Variants in ZNF276 observed in about 807,000 individuals in gnomAD.
ZNF276 encodes the protein zinc finger protein 276.
ZNF276 carries 59 observed loss-of-function variants against 63.9 expected under a neutral mutation model. The ratio of observed to expected loss-of-function variants is 0.92; its 90% CI spans 0.75 to 1.15. The LOEUF (loss-of-function observed/expected upper bound fraction) is 1.15, where lower values mean the gene tolerates loss of function less well. Ranked by LOEUF, ZNF276 falls within the 50% of genes most tolerant of loss-of-function variation. The probability of loss-of-function intolerance (pLI) is 0.00; values close to 1 mark genes in which losing one functional copy is unlikely to be tolerated. For missense variants in ZNF276, 1,084 were observed against 843.8 expected (o/e 1.28, Z -3.53); for synonymous variants, 496 against 348.4 (o/e 1.42, Z -4.72).
At chr16:89,723,010 G>A (rs2061350434) in intron 2 of ZNF276, 127 bp from the exon 3 acceptor site, 4 of 1,594,000 alleles carry the variant, frequency 2.5e-6, no homozygotes, top group East Asian at 2.3e-5. Flanking sequence ...GGGAGGAGCT[G>A]GGGTGAGGGA....
Position 89,723,127 on chromosome 16 carries a change from T to C in ZNF276, c.510-10T>C. ...CTTGTCCTGCTCATGGCCACACTGATCCTTTGCAGGGTCGGTGCCCAGCCC... is the reference window on the plus strand; with the variant it reads ...CTTGTCCTGCTCATGGCCACACTGACCCTTTGCAGGGTCGGTGCCCAGCCC... On this transcript the variant is annotated splice_polypyrimidine_tract_variant and intron_variant, in intron 2 of 10. Transcript: ENST00000443381. The C allele has an allele frequency of 6.2e-7, 1 of 1,613,168 alleles. No individual in the cohort carries two copies. Among genetic ancestry groups the C allele is most frequent in the Non-Finnish European group, 8.5e-7 (1 of 1,180,014 alleles).
chr16:89,729,355 T>A, intron 6 of ZNF276, 37 bp downstream of exon 6: 1 of 1,591,724 alleles, frequency 6.3e-7, no homozygotes, highest in Non-Finnish European at 8.6e-7. Context: ...GAGGCATCCG[T>A]TGGGCGACCT....
intron 9 of ZNF276, among the ~76,000 whole-genome samples, chr16:89,735,223 C>T (rs2061816760): frequency 6.6e-6 from 1 of 150,774 alleles, no homozygotes; most frequent in Non-Finnish European, 1.5e-5. Context: ...TTCCTAAGTG[C>T]AGGTTCTGTA....
chr16:89,734,499 T>C (rs2061783322), intron 9 of ZNF276, among the ~76,000 whole-genome samples: 1 of 152,110 alleles, frequency 6.6e-6, no homozygotes. Context: ...CTAATTTTTG[T>C]AATTTTTGGT....
At chr16:89,727,439 T>A in intron 5 of ZNF276, 82 bp downstream of exon 5, 2 of 1,510,662 alleles carry the variant, frequency 1.3e-6, no homozygotes, top group East Asian at 4.5e-5. Context: ...GAGAGAAGAG[T>A]GGGTTTAAAC....
chr16:89,728,795 C>T (rs184040074), intron 5 of ZNF276, among the ~76,000 whole-genome samples: 336 of 152,298 alleles, frequency 2.2e-3, no homozygotes, highest in Non-Finnish European at 3.8e-3. Context: ...CGTCACCCTC[C>T]CAAAGTGCTG....
At position 89,740,721 on chromosome 16, in the gene ZNF276, C is replaced by T. The variant is rs2062111305; in HGVS notation, c.*2475C>T. 2 of 1,177,012 alleles carry T rather than the reference C, an allele frequency of 1.7e-6. No homozygotes were observed. Among genetic ancestry groups the T allele is most frequent in the Non-Finnish European group, 1.3e-6 (1 of 793,588 alleles). 72.9% of individuals were successfully genotyped at this position (1,177,012 alleles called of 1,614,324 possible). A position where few individuals can be genotyped will look rare whatever the true frequency, so the allele number is the denominator to read the frequency against. On this transcript the variant is annotated 3_prime_UTR_variant, in exon 11 of 11. Coordinates refer to ENST00000443381, the MANE Select transcript of ZNF276 (RefSeq NM_001113525.2). ...AGGAGCTCCTGAGCTAGTCTGGAAA[C>T]CCTGACTTGGAAGCTGGCTGCCTGG...
chr16:89,737,725 G>C (rs1028227841), intron 9 of ZNF276, 81 bp from the exon 10 acceptor site: 108 of 1,601,264 alleles, frequency 6.7e-5, no homozygotes, highest in Middle Eastern at 1.7e-4. Context: ...TCCCAGCTGT[G>C]ATGGTTTCAC....
At chr16:89,734,754 A>C (rs752980962) in intron 9 of ZNF276, among the ~76,000 whole-genome samples, 1 of 151,828 alleles carries the variant, frequency 6.6e-6, no homozygotes, top group Non-Finnish European at 1.5e-5. Flanking sequence ...TTAAGACCGG[A>C]GGCGGATGGG....
At chr16:89,734,966 C>G (rs2061804306) in intron 9 of ZNF276, among the ~76,000 whole-genome samples, 1 of 152,134 alleles carries the variant, frequency 6.6e-6, no homozygotes, top group Admixed American at 6.6e-5. Context: ...CAAGACCAGC[C>G]TGGCCAACAT....
upstream of ZNF276, chr16:89,720,582 G>A (rs942931707): frequency 1.6e-5 from 20 of 1,219,098 alleles, no homozygotes; most frequent in Non-Finnish European, 2.0e-5. Flanking sequence ...AGCTGTCCAA[G>A]GTCACTGCAC....
rs943739160 is a variant in ZNF276, at chr16:89,740,684, TC to T, written c.*2440del. On this transcript the variant is annotated 3_prime_UTR_variant, in exon 11 of 11. Transcript: ENST00000443381. ...CGGCCTGGGAGTTCTCACTCACACT[TC>T]CGCAAACACAAGGAGCTCCTGAGCT... 347 of 775,706 alleles carry T rather than the reference TC, an allele frequency of 4.5e-4. No homozygotes were observed. The highest frequency in any genetic ancestry group is 6.7e-4 in the Non-Finnish European group (304 of 452,744). 48.1% of individuals were successfully genotyped at this position (775,706 alleles called of 1,614,324 possible). A position where few individuals can be genotyped will look rare whatever the true frequency, so the allele number is the denominator to read the frequency against.
chr16:89,725,619 A>G (rs970365464), intron 4 of ZNF276, among the ~76,000 whole-genome samples: 58 of 152,058 alleles, frequency 3.8e-4, no homozygotes, highest in Non-Finnish European at 1.2e-4. Flanking sequence ...GTGAAACCCC[A>G]TCTCTACTAA....
intron 9 of ZNF276, among the ~76,000 whole-genome samples, chr16:89,734,891 G>A (rs2061801074): frequency 6.6e-6 from 1 of 152,186 alleles, no homozygotes; most frequent in African/African-American, 2.4e-5. Context: ...GGGCGTGGTG[G>A]CTCACACCTG....
At position 89,738,634 on chromosome 16, in the gene ZNF276, G is replaced by A. The variant is rs374830555; in HGVS notation, c.*388G>A. ...GATGAGGCTCCTGGGACAGGTCAGC[G>A]TCAGGGGCAGCCTGCTGTCTGCTCT... On this transcript the variant is annotated 3_prime_UTR_variant, in exon 11 of 11. Coordinates refer to ENST00000443381, the MANE Select transcript of ZNF276 (RefSeq NM_001113525.2). The A allele has an allele frequency of 4.6e-5, 75 of 1,613,668 alleles. No individual in the cohort carries two copies. The highest frequency in any genetic ancestry group is 1.7e-4 in the Middle Eastern group (1 of 5,854).
chr16:89,738,530 A>G lies in ZNF276; in HGVS notation c.*284A>G. On this transcript the variant is annotated 3_prime_UTR_variant, in exon 11 of 11. Transcript: ENST00000443381. ...TTTGTAATCCACTTTTTAGTGCAACAAGAGCTCCATGTTATGCTTGTAATA... is the reference window on the plus strand; with the variant it reads ...TTTGTAATCCACTTTTTAGTGCAACGAGAGCTCCATGTTATGCTTGTAATA... 1 of 1,605,348 alleles carries G rather than the reference A, an allele frequency of 6.2e-7. No homozygotes were observed. Among genetic ancestry groups the G allele is most frequent in the Middle Eastern group, 2.2e-4 (1 of 4,572 alleles).
At chr16:89,737,930 C>A (rs751741235) in intron 10 of ZNF276, 25 bp downstream of exon 10, 3 of 1,610,402 alleles carry the variant, frequency 1.9e-6, no homozygotes, top group African/African-American at 2.7e-5. Context: ...GGACCCCCTC[C>A]CAGGGCTGTG....
At chr16:89,728,330 T>C (rs1241742245) in intron 5 of ZNF276, among the ~76,000 whole-genome samples, 1 of 151,956 alleles carries the variant, frequency 6.6e-6, no homozygotes, top group Non-Finnish European at 1.5e-5. Context: ...GTTCAAGTGA[T>C]TCTCCCGCCT....
chr16:89,738,541 G>A lies in ZNF276; in HGVS notation c.*295G>A, dbSNP rs1598048095. ...CTTTTTAGTGCAACAAGAGCTCCAT[G>A]TTATGCTTGTAATAAATTATTTACA... On this transcript the variant is annotated 3_prime_UTR_variant, in exon 11 of 11. Coordinates refer to ENST00000443381, the MANE Select transcript of ZNF276 (RefSeq NM_001113525.2). The A allele has an allele frequency of 4.3e-6, 7 of 1,609,688 alleles. No homozygotes were observed. Among genetic ancestry groups the A allele is most frequent in the South Asian group, 2.2e-5 (2 of 90,964 alleles).
Sources: allele counts gnomAD v4.1 joint callset (sites outside exome capture counted in the v4.1 genomes callset), GRCh38; gene constraint gnomAD v4.1.1; transcripts MANE v1.5; gene names NCBI Gene and HGNC (gene_info 2026-07-23, HGNC 2026-07-21).